Variants in GLRX2 observed in about 807,000 individuals in gnomAD.
GLRX2 encodes the protein bA101E13.1 (GRX2 glutaredoxin (thioltransferase) 2).
Under a neutral mutation model 16.4 loss-of-function variants are expected in GLRX2, and 12 were observed. That is an observed-to-expected ratio of 0.73 (90% confidence interval 0.47 to 1.19). The LOEUF is 1.19. GLRX2 is among the 50% of genes most tolerant of loss of function. GLRX2 has a pLI of 0.00. For missense variants in GLRX2, 201 were observed against 201.8 expected (o/e 1.00, Z 0.02); for synonymous variants, 95 against 76.2 (o/e 1.25, Z -1.28).
chr1:193,105,122 G>C (rs1297503453), intron 1 of GLRX2, 142 bp downstream of exon 1: 1 of 1,285,422 alleles, frequency 7.8e-7, no homozygotes, highest in Non-Finnish European at 1.0e-6. Context: ...GCGCCTCTGC[G>C]TGTTATGACT....
chr1:193,098,677 G>A (rs556311476), intron 2 of GLRX2, among the ~76,000 whole-genome samples: 4 of 151,982 alleles, frequency 2.6e-5, no homozygotes, highest in Non-Finnish European at 4.4e-5. Context: ...TCAGCCTCCC[G>A]AGTAGTTAGG....
At chr1:193,098,661 C>A (rs1319779255) in intron 2 of GLRX2, among the ~76,000 whole-genome samples, 2 of 152,120 alleles carry the variant, frequency 1.3e-5, no homozygotes, top group Admixed American at 6.5e-5. Context: ...AAGCGATTCT[C>A]ATGCCTCAGC....
At chr1:193,105,581 A>G (rs750044838), upstream of GLRX2, 6 of 1,606,480 alleles carry the variant, frequency 3.7e-6, no homozygotes, top group Admixed American at 1.7e-5. Flanking sequence ...AGTGCCACCC[A>G]CGTGTAAACA....
At chr1:193,106,061 C>A (rs539843316), upstream of GLRX2, 4 of 985,918 alleles carry the variant, frequency 4.1e-6, no homozygotes, top group East Asian at 3.4e-4. Flanking sequence ...TGGAAATGGG[C>A]GATTGCTGTT....
chr1:193,101,123 A>G lies in GLRX2; in HGVS notation c.183+18T>C, dbSNP rs753037098. 1 of 1,569,532 alleles carries G rather than the reference A, an allele frequency of 6.4e-7. No homozygotes were observed. Among genetic ancestry groups the G allele is most frequent in the Non-Finnish European group, 8.8e-7 (1 of 1,139,322 alleles). On this transcript the variant is annotated intron_variant, in intron 2 of 3. Coordinates refer to ENST00000367439, the MANE Select transcript of GLRX2 (RefSeq NM_197962.3). ...TTCTACAGAGGAAAGTTTTTCAATC[A>G]TCTCCCACATCACTCACTTGGATCT...
rs1675045681 is a variant in GLRX2, at chr1:193,100,200, C to G, written c.183+941G>C. Among the ~76,000 whole-genome samples, 3 of 152,300 alleles carry G rather than the reference C, an allele frequency of 2.0e-5. No homozygotes were observed. In the South Asian group the frequency reaches 6.2e-4, roughly 32 times the overall value. On this transcript the variant is annotated intron_variant, in intron 2 of 3. Coordinates refer to ENST00000367439, the MANE Select transcript of GLRX2 (RefSeq NM_197962.3). Reference sequence around the variant, plus strand: ...TTTAAAAGAGGCAATTCAGGCCAGGCACGGTGGCTCATGCTTGTAATCCCA... The same window carrying G: ...TTTAAAAGAGGCAATTCAGGCCAGGGACGGTGGCTCATGCTTGTAATCCCA...
intron 3 of GLRX2, 109 bp from the exon 4 acceptor site, chr1:193,096,868 C>T (rs370646100): frequency 1.5e-5 from 11 of 710,464 alleles, no homozygotes; most frequent in African/African-American, 3.5e-5. Flanking sequence ...GAGCCTGGCA[C>T]CACAAAGCTC....
chr1:193,101,007 A>G (rs1675063233), intron 2 of GLRX2, 134 bp downstream of exon 2: 1 of 693,032 alleles, frequency 1.4e-6, no homozygotes. Flanking sequence ...AGCAGATTTT[A>G]AAATAAATAT....
upstream of GLRX2, chr1:193,105,706 A>G: frequency 6.6e-7 from 1 of 1,513,948 alleles, no homozygotes; most frequent in Non-Finnish European, 8.9e-7. Flanking sequence ...ACTTGGAAGC[A>G]GTGCATGAGG....
intron 2 of GLRX2, among the ~76,000 whole-genome samples, chr1:193,099,765 A>G (rs1675035806): frequency 6.6e-6 from 1 of 152,204 alleles, no homozygotes. Flanking sequence ...GTTTTAGCCC[A>G]GCTGTCTGCA....
chr1:193,105,334 T>C lies in GLRX2; in HGVS notation c.49A>G (p.Arg17Gly). 6.5e-7 allele frequency: 1 copy of C among 1,548,722 alleles called. No individual in the cohort carries two copies. The highest frequency in any genetic ancestry group is 2.5e-5 in the East Asian group (1 of 40,412). ...ALAGTRLVWS[R>G]SGSAGWLDRA... The stretch of plus-strand genomic sequence containing the variant: ...TCAAGCCAGCCTGCCGAGCCGCTCC[T>C]GCTCCAAACCAGCCGCGTCCCCGCC... The change falls in exon 1 of 4, where the codon AGG (arginine) becomes GGG (glycine). Residue 17 changes from arginine (R) to glycine (G), a missense_variant. Physicochemically the swap from Arg to Gly is moderately radical, Grantham distance 125 (BLOSUM62 -2). Transcript: ENST00000367439.
At chr1:193,106,104 A>G (rs576645983), upstream of GLRX2, 26 of 886,700 alleles carry the variant, frequency 2.9e-5, no homozygotes, top group African/African-American at 4.5e-4. Context: ...AGTGGTGGTA[A>G]TAATAGCCTT....
chr1:193,105,659 CT>C, upstream of GLRX2: 1 of 1,597,062 alleles, frequency 6.3e-7, no homozygotes, highest in South Asian at 1.1e-5. Flanking sequence ...CCTCTGGATT[CT>C]TTTAGGTTTA....
At chr1:193,102,975 C>G (rs1251548960) in intron 1 of GLRX2, among the ~76,000 whole-genome samples, 2 of 152,116 alleles carry the variant, frequency 1.3e-5, no homozygotes, top group African/African-American at 4.8e-5. Flanking sequence ...GATCGACTGT[C>G]ACAGTGTGGT....
upstream of GLRX2, chr1:193,105,800 A>G: frequency 7.5e-7 from 1 of 1,333,992 alleles, no homozygotes; most frequent in South Asian, 2.0e-5. Context: ...AGATGTTTCC[A>G]ACTACCTGTT....
At chr1:193,102,986 G>A (rs1490937047) in intron 1 of GLRX2, among the ~76,000 whole-genome samples, 3 of 152,106 alleles carry the variant, frequency 2.0e-5, no homozygotes, top group Non-Finnish European at 4.4e-5. Context: ...ACAGTGTGGT[G>A]ATGCTTGTGT....
intron 2 of GLRX2, among the ~76,000 whole-genome samples, chr1:193,098,438 G>A (rs1357850947): frequency 6.6e-6 from 1 of 152,090 alleles, no homozygotes; most frequent in Admixed American, 6.5e-5. Flanking sequence ...TACTCAGAAG[G>A]CTGAGGCAGG....
At position 193,097,631 on chromosome 1, in the gene GLRX2, C is replaced by T. The variant is rs759781663; in HGVS notation, c.313G>A (p.Gly105Arg). ...TAAAGAGCATCTTGGAACTGGTTTC[C>T]ATATTCAAGCAGGTCCAGTTCCACC... The part of the protein sequence containing the change: ...KVVELDLLEY[G>R]NQFQDALYKM... The change falls in exon 3 of 4, where the codon GGA becomes AGA. Residue 105 changes from glycine (G) to arginine (R), a missense_variant. Coordinates refer to ENST00000367439, the MANE Select transcript of GLRX2 (RefSeq NM_197962.3). The T allele has an allele frequency of 1.9e-6, 3 of 1,611,012 alleles. No individual in the cohort carries two copies. The highest frequency in any genetic ancestry group is 2.7e-5 in the African/African-American group (2 of 74,714).
At chr1:193,100,908 A>G (rs1160178399) in intron 2 of GLRX2, among the ~76,000 whole-genome samples, 3 of 152,234 alleles carry the variant, frequency 2.0e-5, no homozygotes, top group Non-Finnish European at 4.4e-5. Flanking sequence ...TCCAACTTAG[A>G]GGGAGTGAAG....
Sources: allele counts gnomAD v4.1 joint callset (sites outside exome capture counted in the v4.1 genomes callset), GRCh38; gene constraint gnomAD v4.1.1; transcripts MANE v1.5; gene names NCBI Gene and HGNC (gene_info 2026-07-23, HGNC 2026-07-21).